AFDN: variants seen among roughly 807,000 people sequenced by gnomAD.
The protein encoded by AFDN is afadin.
AFDN carries 68 observed loss-of-function variants against 216.6 expected under a neutral mutation model. That is an observed-to-expected ratio of 0.31 (90% CI 0.26 to 0.38). AFDN has a LOEUF of 0.38. AFDN is among the 10% of genes least tolerant of loss of function. AFDN has a pLI of 1.00. For missense variants in AFDN, 2,136 were observed against 2,342.0 expected (o/e 0.91, Z 1.82); for synonymous variants, 868 against 853.7 (o/e 1.02, Z -0.29).
intron 1 of AFDN, among the ~76,000 whole-genome samples, chr6:167,838,658 A>G (rs905503711): frequency 6.6e-6 from 1 of 152,210 alleles, no homozygotes; most frequent in Non-Finnish European, 1.5e-5. Context: ...AAAAGGGTGA[A>G]TCTCAGACAC....
intron 1 of AFDN, among the ~76,000 whole-genome samples, chr6:167,854,475 A>G (rs531832884): frequency 6.6e-6 from 1 of 152,060 alleles, no homozygotes; most frequent in Non-Finnish European, 1.5e-5. Context: ...ACATTTCTTT[A>G]ATTGACTTTG....
rs557567277 is a variant in AFDN at position 167,944,090 on chromosome 6, T to C, written c.3358+31T>C. Reference sequence around the variant, plus strand: ...GACCAGTAGGGAAACAACAGTGTTTTACAGTCATGGCCTCTTTGAATGGTC... The same window carrying C: ...GACCAGTAGGGAAACAACAGTGTTTCACAGTCATGGCCTCTTTGAATGGTC... On this transcript the variant is annotated intron_variant, in intron 26 of 33. Transcript: ENST00000683244. 1.3e-5 allele frequency: 20 copies of C among 1,538,058 alleles called. No homozygotes were observed. The East Asian group carries it at 3.1e-4, about 24-fold the overall frequency.
intron 23 of AFDN, among the ~76,000 whole-genome samples, chr6:167,942,095 G>T (rs566159987): frequency 6.6e-6 from 1 of 151,518 alleles, no homozygotes; most frequent in Non-Finnish European, 1.5e-5. Flanking sequence ...GGTTTGGTTT[G>T]TTTTTTCCCT....
At position 167,864,471 on chromosome 6, in the gene AFDN, C is replaced by T. The variant is rs575552512; in HGVS notation, c.106-80C>T. 117 of 1,311,406 alleles carry T rather than the reference C, an allele frequency of 8.9e-5. 1 individual carries two copies. In the African/African-American group the frequency reaches 1.5e-3, roughly 17 times the overall value. 81.2% of individuals were successfully genotyped at this position (1,311,406 alleles called of 1,614,324 possible). The stretch of plus-strand genomic sequence containing the variant: ...AGCATTTTTTAAAAAAGTGAACAGA[C>T]TTCCTCATTTATTATTACAAAAAGT... On this transcript the variant is annotated intron_variant, in intron 1 of 33. Coordinates refer to ENST00000683244, the MANE Select transcript of AFDN (RefSeq NM_001386888.1).
At chr6:167,893,683 A>G in intron 8 of AFDN, 179 bp from the exon 9 acceptor site, 1 of 593,102 alleles carries the variant, frequency 1.7e-6, no homozygotes, top group Non-Finnish European at 3.1e-6. Context: ...GGGCACTAGT[A>G]TAGTCTTGTC....
intron 3 of AFDN, among the ~76,000 whole-genome samples, chr6:167,870,737 C>T (rs898005536): frequency 2.0e-5 from 3 of 151,892 alleles, no homozygotes; most frequent in Non-Finnish European, 2.9e-5. Flanking sequence ...TATGTAAACT[C>T]GTTACTGTGA....
At chr6:167,935,435 C>T (rs375392387) in intron 23 of AFDN, among the ~76,000 whole-genome samples, 14 of 152,206 alleles carry the variant, frequency 9.2e-5, no homozygotes, top group East Asian at 1.9e-4. Flanking sequence ...GGCCTCCAGA[C>T]GGGGAAAAGT....
chr6:167,965,743 A>G lies in AFDN; in HGVS notation c.4969-14A>G. ...ACCTCTGACCTTTGCACTCTTGTCT[A>G]TTCCCGCCCGCAGAGGCGACAGGAA... On this transcript the variant is annotated splice_polypyrimidine_tract_variant and intron_variant, in intron 31 of 33. Transcript: ENST00000683244. The G allele has an allele frequency of 1.3e-6, 2 of 1,518,434 alleles. No homozygotes were observed. The highest frequency in any genetic ancestry group is 1.8e-6 in the Non-Finnish European group (2 of 1,133,614). The allele number at this position is 1,518,434 out of a possible 1,614,324, so 94.1% of individuals were successfully genotyped here.
intron 1 of AFDN, among the ~76,000 whole-genome samples, chr6:167,833,289 C>T (rs149605171): frequency 3.9e-5 from 6 of 152,236 alleles, no homozygotes; most frequent in South Asian, 4.1e-4. Flanking sequence ...ATTAGGAAGT[C>T]GTGCCTTGCC....
intron 8 of AFDN, 68 bp downstream of exon 8, chr6:167,891,097 C>G (rs550146782): frequency 1.1e-5 from 14 of 1,290,332 alleles, no homozygotes; most frequent in Admixed American, 8.0e-5. Flanking sequence ...TTTGTACTTT[C>G]TAATGCATCT....
rs146284240 is a variant in AFDN, at chr6:167,875,398, C to G, written c.642C>G (p.Thr214=). The G allele has an allele frequency of 1.4e-4, 233 of 1,613,842 alleles. 2 individuals carry two copies. In the East Asian group the frequency reaches 3.8e-3, roughly 26 times the overall value. The change falls in exon 5 of 34, where the codon ACC becomes ACG. Residue 214 remains threonine (T), a synonymous_variant. Transcript: ENST00000683244. ...TGCCGGAAACCAGCTTTACTCGAAC[C>G]ATTTCTAATCCTGAGGTGGTTATGA... ...KDMPETSFTR[T]ISNPEVVMKR... is the part of the protein sequence containing the mutation.
chr6:167,903,577 T>C (rs1789263550), intron 12 of AFDN, among the ~76,000 whole-genome samples: 1 of 152,218 alleles, frequency 6.6e-6, no homozygotes, highest in South Asian at 2.1e-4. Context: ...AGGTGTGATT[T>C]ATTGAATGCC....
intron 1 of AFDN, among the ~76,000 whole-genome samples, chr6:167,848,349 T>TA (rs1359733948): frequency 1.3e-5 from 2 of 152,230 alleles, no homozygotes; most frequent in African/African-American, 2.4e-5. Context: ...AATTAAGAGT[T>TA]ACAGACATAG....
chr6:167,840,987 C>T (rs1001980697), intron 1 of AFDN, among the ~76,000 whole-genome samples: 23 of 152,126 alleles, frequency 1.5e-4, no homozygotes, highest in Non-Finnish European at 2.1e-4. Flanking sequence ...CGCTTGGAGG[C>T]GGGGCCTTCA....
chr6:167,925,815 A>C (rs1792449584), intron 23 of AFDN, among the ~76,000 whole-genome samples: 2 of 152,354 alleles, frequency 1.3e-5, no homozygotes, highest in East Asian at 3.9e-4. Context: ...GCTTAGAATG[A>C]ATTTTAGCTT....
At chr6:167,828,677 T>C (rs774263279) in intron 1 of AFDN, among the ~76,000 whole-genome samples, 3 of 152,162 alleles carry the variant, frequency 2.0e-5, no homozygotes, top group Non-Finnish European at 4.4e-5. Flanking sequence ...TGTTTTCTTT[T>C]AGAATAATGA....
Position 167,832,898 on chromosome 6 carries a change from C to T in AFDN, c.105+5661C>T, listed in dbSNP as rs145755079. On this transcript the variant is annotated intron_variant, in intron 1 of 33. Coordinates refer to ENST00000683244, the MANE Select transcript of AFDN (RefSeq NM_001386888.1). The stretch of plus-strand genomic sequence containing the variant: ...TACACAACTTGCTTTACCTTGTAAG[C>T]GTCACTCCTTTGTAGTTAGAGTGGC... Among the ~76,000 whole-genome samples the T allele has an allele frequency of 9.7e-3, 1,484 of 152,286 alleles. 10 individuals are homozygous for T. Among genetic ancestry groups the T allele is most frequent in the South Asian group, 0.021 (99 of 4,826 alleles).
chr6:167,931,104 T>C (rs1018366629), intron 23 of AFDN, among the ~76,000 whole-genome samples: 1 of 152,216 alleles, frequency 6.6e-6, no homozygotes, highest in African/African-American at 2.4e-5. Flanking sequence ...TTGTCCACTA[T>C]TGAAAGGTTG....
intron 23 of AFDN, among the ~76,000 whole-genome samples, chr6:167,938,564 G>C (rs1794303136): frequency 6.6e-6 from 1 of 152,178 alleles, no homozygotes; most frequent in African/African-American, 2.4e-5. Flanking sequence ...TACATGATCA[G>C]TTTTGCTTCA....
Sources: gnomAD v4.1 joint callset for allele counts (sites outside exome capture counted in the v4.1 genomes callset) on GRCh38, gnomAD v4.1.1 for gene constraint, MANE v1.5 for transcripts, NCBI Gene and HGNC (gene_info 2026-07-23, HGNC 2026-07-21) for gene names.